Variants in CORIN observed in about 807,000 individuals in gnomAD.
The protein encoded by CORIN is corin, serine peptidase.
Under a neutral mutation model 125.3 loss-of-function variants are expected in CORIN, and 117 were observed. The observed-to-expected ratio is 0.93, with a 90% CI of 0.80 to 1.09. The LOEUF (loss-of-function observed/expected upper bound fraction) is 1.09, where lower values mean the gene tolerates loss of function less well. CORIN is among the 50% of genes least tolerant of loss of function. The probability of loss-of-function intolerance (pLI) is 0.00; values close to 1 mark genes in which losing one functional copy is unlikely to be tolerated. For missense variants in CORIN, 1,253 were observed against 1,306.7 expected (o/e 0.96, Z 0.63); for synonymous variants, 450 against 466.4 (o/e 0.96, Z 0.45).
At chr4:47,728,367 A>G (rs1371053352) in intron 5 of CORIN, among the ~76,000 whole-genome samples, 2 of 152,198 alleles carry the variant, frequency 1.3e-5, no homozygotes, top group African/African-American at 4.8e-5. Context: ...ATTTTGGGAA[A>G]CAAATACGAA....
intron 1 of CORIN, among the ~76,000 whole-genome samples, chr4:47,810,210 C>A (rs1275035167): frequency 6.6e-6 from 1 of 152,014 alleles, no homozygotes; most frequent in Non-Finnish European, 1.5e-5. Context: ...TGTTTTGAGA[C>A]AGGGTCTCAC....
chr4:47,747,114 C>T (rs1439563187), intron 4 of CORIN, among the ~76,000 whole-genome samples: 2 of 152,036 alleles, frequency 1.3e-5, no homozygotes. Context: ...GTGATCACCC[C>T]GATGCCAGCA....
In CORIN at chr4:47,683,210, G is replaced by T. The variant is rs570609140; in HGVS notation, c.1021+521C>A. 2.0e-5 allele frequency: 3 copies of T among 152,314 alleles called. No homozygotes were observed. In the East Asian group the frequency reaches 5.8e-4, roughly 29 times the overall value. The allele number at this position is 152,314 out of a possible 1,614,324, so 9.4% of individuals were successfully genotyped here. On this transcript the variant is annotated intron_variant, in intron 7 of 21. Transcript: ENST00000273857. ...TGGACATGACTCTTTAAAAAGTGGG[G>T]TTATTCTTTAAAAGATAAGATCACC...
intron 3 of CORIN, among the ~76,000 whole-genome samples, chr4:47,770,810 T>G (rs1039662608): frequency 6.6e-6 from 1 of 152,098 alleles, no homozygotes; most frequent in Non-Finnish European, 1.5e-5. Context: ...CACTTATATG[T>G]GGAATCTTAA....
chr4:47,679,805 T>C (rs1725180572), intron 8 of CORIN: 1 of 190,606 alleles, frequency 5.2e-6, no homozygotes. Flanking sequence ...AGAAGAAAGG[T>C]TCCCCATTCT....
At chr4:47,622,285 T>C (rs1179072220) in intron 19 of CORIN, among the ~76,000 whole-genome samples, 1 of 151,586 alleles carries the variant, frequency 6.6e-6, no homozygotes, top group African/African-American at 2.4e-5. Flanking sequence ...GTCCTTGCTA[T>C]TGTGAATAAT....
Position 47,603,446 on chromosome 4 carries a change from C to G in CORIN, c.2763G>C (p.Glu921Asp), listed in dbSNP as rs1039510496. ...VCLPNPEQWL[E>D]PDTYCYITGW... is the part of the protein sequence containing the mutation. ...CTGTGATATAGCAGTACGTGTCAGG[C>G]TCTAGCCACTGCTCCGGGTTGGGCA... Residue 921 changes from glutamate to aspartate, a missense_variant, in exon 20 of 22, where the codon GAG becomes GAC. By Grantham distance (45) the Glu-to-Asp change is conservative. Transcript: ENST00000273857. 28 of 1,614,080 alleles carry G rather than the reference C, an allele frequency of 1.7e-5. No homozygotes were observed. The highest frequency in any genetic ancestry group is 2.3e-5 in the Non-Finnish European group (27 of 1,180,048).
At chr4:47,644,853 T>C (rs867692576) in intron 14 of CORIN, among the ~76,000 whole-genome samples, 31 of 152,310 alleles carry the variant, frequency 2.0e-4, no homozygotes, top group Middle Eastern at 6.8e-3. Context: ...GGTATTTTGA[T>C]TTTCTCATAT....
intron 5 of CORIN, among the ~76,000 whole-genome samples, chr4:47,743,843 C>A (rs1286748710): frequency 6.6e-6 from 1 of 151,908 alleles, no homozygotes. Context: ...TGAGATCATG[C>A]CACTGCACTC....
intron 19 of CORIN, among the ~76,000 whole-genome samples, chr4:47,611,030 A>C (rs758836037): frequency 5.6e-4 from 85 of 152,248 alleles, no homozygotes; most frequent in Middle Eastern, 3.4e-3. Flanking sequence ...GGGTAGGGTG[A>C]TGCCTCTAGC....
rs61759668 is a variant in CORIN, at chr4:47,595,284, C to G, written c.*437G>C. On this transcript the variant is annotated 3_prime_UTR_variant, in exon 22 of 22. Transcript: ENST00000273857. ...GAAAAGCAAGTCTCCAATGTTAACA[C>G]TGAAATTTACCACTATGCACTGAGC... The G allele has an allele frequency of 3.0e-3, 454 of 152,660 alleles. 3 individuals carry two copies. Among genetic ancestry groups the G allele is most frequent in the Non-Finnish European group, 4.3e-3 (296 of 68,294 alleles). The allele number at this position is 152,660 out of a possible 1,614,324, so 9.5% of individuals were successfully genotyped here. A position where few individuals can be genotyped will look rare whatever the true frequency, so the allele number is the denominator to read the frequency against.
chr4:47,774,564 A>G (rs1730204331), intron 3 of CORIN, among the ~76,000 whole-genome samples: 1 of 152,206 alleles, frequency 6.6e-6, no homozygotes, highest in South Asian at 2.1e-4. Context: ...CTCCGCCATA[A>G]GTCTGGCTTG....
At chr4:47,762,223 C>A (rs552536266) in intron 4 of CORIN, among the ~76,000 whole-genome samples, 1 of 152,104 alleles carries the variant, frequency 6.6e-6, no homozygotes, top group Non-Finnish European at 1.5e-5. Flanking sequence ...ATTTGTTAAT[C>A]AGCTAGATTT....
At chr4:47,648,962 C>T (rs2109631686) in intron 13 of CORIN, among the ~76,000 whole-genome samples, 1 of 152,304 alleles carries the variant, frequency 6.6e-6, no homozygotes, top group East Asian at 1.9e-4. Context: ...CCCCTTCCCT[C>T]AAAGCATGGC....
At chr4:47,742,797 C>T (rs1728471572) in intron 5 of CORIN, among the ~76,000 whole-genome samples, 1 of 151,988 alleles carries the variant, frequency 6.6e-6, no homozygotes, top group Non-Finnish European at 1.5e-5. Context: ...CAAAAATAGT[C>T]AATCTTTAAG....
At chr4:47,673,804 T>C (rs1724879188) in intron 10 of CORIN, among the ~76,000 whole-genome samples, 1 of 152,134 alleles carries the variant, frequency 6.6e-6, no homozygotes, top group African/African-American at 2.4e-5. Context: ...TCCCAGCACT[T>C]TGGGAGGCCC....
At chr4:47,707,613 C>T (rs1726635607) in intron 5 of CORIN, among the ~76,000 whole-genome samples, 1 of 152,200 alleles carries the variant, frequency 6.6e-6, no homozygotes, top group Non-Finnish European at 1.5e-5. Flanking sequence ...AGAGATGAAG[C>T]CATTATCAGT....
intron 2 of CORIN, among the ~76,000 whole-genome samples, chr4:47,788,770 T>C (rs1056820495): frequency 2.6e-5 from 4 of 152,218 alleles, no homozygotes; most frequent in African/African-American, 9.6e-5. Flanking sequence ...GCCCATTAAG[T>C]TGATTTACTT....
chr4:47,795,069 T>C (rs1731237174), intron 2 of CORIN, among the ~76,000 whole-genome samples: 1 of 152,180 alleles, frequency 6.6e-6, no homozygotes, highest in Non-Finnish European at 1.5e-5. Flanking sequence ...TCGTGTACTC[T>C]TCACACCTTT....
Sources: gnomAD v4.1 joint callset for allele counts (sites outside exome capture counted in the v4.1 genomes callset) on GRCh38, gnomAD v4.1.1 for gene constraint, MANE v1.5 for transcripts, NCBI Gene and HGNC (gene_info 2026-07-23, HGNC 2026-07-21) for gene names.